The following NLGN4X variants were observed in gnomAD, a reference collection of about 807,000 sequenced individuals.
NLGN4X encodes neuroligin-4, X-linked.
A neutral mutation model predicts 40.3 loss-of-function variants in NLGN4X; 3 were observed. The ratio of observed to expected loss-of-function variants is 0.07; its 90% CI spans 0.03 to 0.19. NLGN4X has a LOEUF of 0.19. NLGN4X is among the 10% of genes least tolerant of loss of function. The pLI is 1.00. For missense variants in NLGN4X, 382 were observed against 708.3 expected, an observed-to-expected ratio of 0.54 and a Z score of 5.23; for synonymous variants, 270 against 306.8, an observed-to-expected ratio of 0.88 and a Z score of 1.25.
intron 2 of NLGN4X, among the ~76,000 whole-genome samples, chrX:6,091,805 T>C (rs987358845): frequency 2.7e-5 from 3 of 111,832 alleles, no homozygotes; most frequent in East Asian, 2.8e-4. Flanking sequence ...AATTAGCTCA[T>C]AGGATAAGAA....
intron 1 of NLGN4X, among the ~76,000 whole-genome samples, chrX:6,197,225 C>T (rs1018291700): frequency 1.5e-4 from 17 of 110,733 alleles, no homozygotes; most frequent in African/African-American, 4.9e-4. Flanking sequence ...CAAGACAGAA[C>T]GAGATCCTGT....
At chrX:5,936,347 G>T in intron 3 of NLGN4X, among the ~76,000 whole-genome samples, 1 of 111,812 alleles carries the variant, frequency 8.9e-6, no homozygotes, top group East Asian at 2.8e-4. Flanking sequence ...TGTTTATCTG[G>T]AATGAAGAAA....
At chrX:6,109,589 G>C (rs1418203327) in intron 2 of NLGN4X, among the ~76,000 whole-genome samples, 1 of 111,149 alleles carries the variant, frequency 9.0e-6, no homozygotes, top group Non-Finnish European at 1.9e-5. Flanking sequence ...GAAAACTTTC[G>C]CAATCTCTCA....
At chrX:5,953,023 G>GT (rs1284984747) in intron 3 of NLGN4X, among the ~76,000 whole-genome samples, 5 of 110,819 alleles carry the variant, frequency 4.5e-5, no homozygotes, top group Admixed American at 9.7e-5. Context: ...GATCTTTGCA[G>GT]TATCTCGTTC....
chrX:6,194,150 T>C (rs751236286), intron 1 of NLGN4X, among the ~76,000 whole-genome samples: 1 of 111,567 alleles, frequency 9.0e-6, no homozygotes, highest in Non-Finnish European at 1.9e-5. Flanking sequence ...ACCACTACAC[T>C]ACAGCCTGGG....
chrX:5,939,116 T>C (rs1212435966), intron 3 of NLGN4X, among the ~76,000 whole-genome samples: 1 of 110,049 alleles, frequency 9.1e-6, no homozygotes, highest in Non-Finnish European at 1.9e-5. Context: ...GGGAAACATA[T>C]AGATTGAAGA....
intron 2 of NLGN4X, among the ~76,000 whole-genome samples, chrX:6,109,068 T>G (rs762043531): frequency 3.6e-5 from 4 of 111,633 alleles, no homozygotes; most frequent in Admixed American, 2.9e-4. Context: ...TTGAGACCAA[T>G]CTGGGCAATA....
At chrX:6,073,230 A>G (rs1286135001) in intron 2 of NLGN4X, among the ~76,000 whole-genome samples, 1 of 111,714 alleles carries the variant, frequency 9.0e-6, no homozygotes, top group African/African-American at 3.3e-5. Flanking sequence ...GGACTTAATG[A>G]TATCCATATT....
chrX:6,219,268 A>G (rs1254452441), intron 1 of NLGN4X, among the ~76,000 whole-genome samples: 1 of 105,947 alleles, frequency 9.4e-6, no homozygotes, highest in African/African-American at 3.4e-5. Context: ...GGTTCACAGG[A>G]GCTATTGTTA....
chrX:6,181,484 T>C lies in NLGN4X; in HGVS notation c.-305-29713A>G, dbSNP rs181003937. Among the ~76,000 whole-genome samples, 383 of 111,701 alleles carry C rather than the reference T, an allele frequency of 3.4e-3. 1 individual carries two copies. Among genetic ancestry groups the C allele is most frequent in the African/African-American group, 0.012 (366 of 30,734 alleles). The stretch of plus-strand genomic sequence containing the variant: ...GAGAACATCTGAAACTGAGTAACTT[T>C]ATGAACAAAAGGAATTTATTTCTTA... On this transcript the variant is annotated intron_variant, in intron 1 of 5. Transcript: ENST00000381095.
chrX:5,918,994 T>G (rs1308885191), intron 3 of NLGN4X, among the ~76,000 whole-genome samples: 4 of 112,499 alleles, frequency 3.6e-5, no homozygotes, highest in African/African-American at 1.3e-4. Flanking sequence ...ACTGTCCCAG[T>G]GGTGCTTGGA....
intron 2 of NLGN4X, among the ~76,000 whole-genome samples, chrX:6,133,128 TCAC>T (rs778548226): frequency 1.1e-4 from 11 of 99,981 alleles, no homozygotes; most frequent in Non-Finnish European, 2.3e-4. Flanking sequence ...ATCACCATCA[TCAC>T]CATCGTCATC....
At chrX:6,143,067 G>C (rs1239404522) in intron 2 of NLGN4X, among the ~76,000 whole-genome samples, 1 of 112,196 alleles carries the variant, frequency 8.9e-6, no homozygotes, top group Admixed American at 9.5e-5. Flanking sequence ...CTATGCACAT[G>C]CAATTTTGCT....
chrX:5,905,323 T>C (rs1303330237), intron 4 of NLGN4X, among the ~76,000 whole-genome samples: 1 of 111,878 alleles, frequency 8.9e-6, no homozygotes, highest in Non-Finnish European at 1.9e-5. Flanking sequence ...CCAGAATTCA[T>C]ACTTTAAACA....
intron 3 of NLGN4X, among the ~76,000 whole-genome samples, chrX:5,913,603 C>T (rs764537415): frequency 2.7e-5 from 3 of 111,903 alleles, no homozygotes; most frequent in Middle Eastern, 4.6e-3. Context: ...AATTGAACAA[C>T]GAAAGAAAGA....
intron 1 of NLGN4X, among the ~76,000 whole-genome samples, chrX:6,190,150 C>A (rs1343114115): frequency 9.0e-6 from 1 of 110,547 alleles, no homozygotes; most frequent in East Asian, 2.8e-4. Context: ...TACAAATTAT[C>A]TTTGAAAAAC....
intron 2 of NLGN4X, among the ~76,000 whole-genome samples, chrX:6,146,301 A>G (rs1374860685): frequency 9.0e-6 from 1 of 111,667 alleles, no homozygotes; most frequent in Non-Finnish European, 1.9e-5. Flanking sequence ...ATGCTTTAAT[A>G]GATGAATCCC....
chrX:5,985,415 C>T (rs1458219074), intron 3 of NLGN4X, among the ~76,000 whole-genome samples: 1 of 110,637 alleles, frequency 9.0e-6, no homozygotes, highest in Non-Finnish European at 1.9e-5. Context: ...TGCACACCAC[C>T]ACACCTGGCT....
intron 3 of NLGN4X, among the ~76,000 whole-genome samples, chrX:5,973,352 C>G (rs1195277339): frequency 1.8e-5 from 2 of 112,655 alleles, no homozygotes; most frequent in Non-Finnish European, 3.8e-5. Flanking sequence ...CATTTACTAT[C>G]TGGTCCTTTA....
Sources: allele counts gnomAD v4.1 joint callset (sites outside exome capture counted in the v4.1 genomes callset), GRCh38; gene constraint gnomAD v4.1.1; transcripts MANE v1.5; gene names NCBI Gene and HGNC (gene_info 2026-07-23, HGNC 2026-07-21).